Variants in NOL10 observed in about 807,000 individuals in gnomAD.
NOL10 encodes the protein H_NH0074G24.1.
Under a neutral mutation model 103.5 loss-of-function variants are expected in NOL10, and 58 were observed. That is an observed-to-expected ratio of 0.56 (90% CI 0.45 to 0.70). The LOEUF is 0.70. Ranked by LOEUF, NOL10 falls within the 30% of genes least tolerant of loss-of-function variation. The pLI, the probability that NOL10 is intolerant of heterozygous loss-of-function variation, is 0.00. For missense variants in NOL10, 763 were observed against 807.3 expected, an observed-to-expected ratio of 0.95 and a Z score of 0.67; for synonymous variants, 287 against 282.5, an observed-to-expected ratio of 1.02 and a Z score of -0.16.
intron 14 of NOL10, among the ~76,000 whole-genome samples, chr2:10,604,983 T>C (rs1371379233): frequency 6.6e-6 from 1 of 152,248 alleles, no homozygotes; most frequent in Non-Finnish European, 1.5e-5. Flanking sequence ...CCAAACTTAT[T>C]TGCCACAAAT....
Position 10,577,645 on chromosome 2 carries a change from C to A in NOL10, c.1938G>T (p.Thr646=). 6.2e-7 allele frequency: 1 copy of A among 1,608,050 alleles called. No homozygotes were observed. The highest frequency in any genetic ancestry group is 8.5e-7 in the Non-Finnish European group (1 of 1,176,210). The change falls in exon 20 of 21, where the codon ACG becomes ACT. Residue 646 remains threonine, a synonymous_variant. Coordinates refer to ENST00000381685, the MANE Select transcript of NOL10 (RefSeq NM_024894.4). ...ATAAAAGACAACTCACCCTCTTTAA[C>A]GTGAATGTCAATTGTTTGCTGCCAA... The part of the protein sequence containing the change: ...TTVGSKQLTF[T]LKRSEQQKKQ...
rs373496171 is a variant in NOL10, at chr2:10,655,203, G to GT, written c.907-657_907-656insA. On this transcript the variant is annotated intron_variant, in intron 11 of 20. Transcript: ENST00000381685. ...GCCTGGGGCGACAGAGTGAGATTCTGCCCAAAAAAAAAAAGAAAGAAAGGA... is the reference window on the plus strand; with the variant it reads ...GCCTGGGGCGACAGAGTGAGATTCTGTCCCAAAAAAAAAAAGAAAGAAAGGA... Among the ~76,000 whole-genome samples, 1,089 of 139,040 alleles carry GT rather than the reference G, an allele frequency of 7.8e-3. 19 individuals are homozygous for GT. The highest frequency in any genetic ancestry group is 0.027 in the African/African-American group (1,002 of 37,284). The allele number at this position is 139,040 out of a possible 152,430, so 91.2% of individuals were successfully genotyped here.
intron 13 of NOL10, among the ~76,000 whole-genome samples, chr2:10,627,471 C>T (rs1487391005): frequency 7.2e-5 from 11 of 151,922 alleles, no homozygotes; most frequent in African/African-American, 2.2e-4. Flanking sequence ...GTCAGGAGAT[C>T]GAGACTATCT....
At chr2:10,651,063 A>C (rs555106945) in intron 12 of NOL10, among the ~76,000 whole-genome samples, 49 of 152,322 alleles carry the variant, frequency 3.2e-4, no homozygotes, top group African/African-American at 1.0e-3. Flanking sequence ...CAGCCATTAA[A>C]GGTGGGGGAA....
chr2:10,596,837 C>T (rs564413052), intron 17 of NOL10, among the ~76,000 whole-genome samples: 1 of 152,294 alleles, frequency 6.6e-6, no homozygotes, highest in Admixed American at 6.5e-5. Context: ...AAAATGATAC[C>T]TATAGGAAAA....
At chr2:10,681,293 A>G (rs1406981044) in intron 3 of NOL10, among the ~76,000 whole-genome samples, 1 of 151,958 alleles carries the variant, frequency 6.6e-6, no homozygotes, top group East Asian at 1.9e-4. Context: ...AAAAAAAAAA[A>G]AGAAGCTATT....
intron 19 of NOL10, among the ~76,000 whole-genome samples, chr2:10,582,962 G>A (rs1490917944): frequency 6.6e-6 from 1 of 152,170 alleles, no homozygotes; most frequent in African/African-American, 2.4e-5. Context: ...AGTCACTTGT[G>A]TCTCTATTGC....
At chr2:10,587,192 C>CATATATATAT in intron 19 of NOL10, among the ~76,000 whole-genome samples, 1 of 26,470 alleles carries the variant, frequency 3.8e-5, no homozygotes, top group African/African-American at 2.2e-4. Context: ...CATATATATA[C>CATATATATAT]ACATATATAT....
rs398043037 is a variant in NOL10 at position 10,579,560 on chromosome 2, C to CTTT, written c.1845-1825_1845-1823dup. Among the ~76,000 whole-genome samples the CTTT allele has an allele frequency of 8.3e-5, 12 of 144,318 alleles. 1 individual carries two copies. Among genetic ancestry groups the CTTT allele is most frequent in the African/African-American group, 2.3e-4 (9 of 39,228 alleles). 94.7% of individuals were successfully genotyped at this position (144,318 alleles called of 152,430 possible). On this transcript the variant is annotated intron_variant, in intron 19 of 20. Coordinates refer to ENST00000381685, the MANE Select transcript of NOL10 (RefSeq NM_024894.4). ...GGAATGAAATGAAGATTTCGGTTAG[C>CTTT]TTTTTTTTTTTTTTTCCGAACAATT...
intron 13 of NOL10, among the ~76,000 whole-genome samples, chr2:10,617,030 C>T (rs2148212150): frequency 6.6e-6 from 1 of 152,298 alleles, no homozygotes; most frequent in African/African-American, 2.4e-5. Context: ...CAATCCCCAC[C>T]CTCAAGGAGC....
At chr2:10,620,463 G>A (rs1677079406) in intron 13 of NOL10, among the ~76,000 whole-genome samples, 1 of 152,154 alleles carries the variant, frequency 6.6e-6, no homozygotes, top group Non-Finnish European at 1.5e-5. Flanking sequence ...ATCTTGGGGA[G>A]GCGGTCATGC....
intron 13 of NOL10, among the ~76,000 whole-genome samples, chr2:10,642,862 A>G (rs1678802876): frequency 6.6e-6 from 1 of 151,914 alleles, no homozygotes; most frequent in Admixed American, 6.6e-5. Flanking sequence ...ACGTGCTCCC[A>G]CCACAGTACC....
At chr2:10,605,263 T>C (rs1337707099) in intron 14 of NOL10, among the ~76,000 whole-genome samples, 2 of 152,204 alleles carry the variant, frequency 1.3e-5, no homozygotes, top group Non-Finnish European at 2.9e-5. Context: ...AAGAACGCAC[T>C]GTGGGAAATA....
chr2:10,573,582 A>T (rs1361527214), intron 20 of NOL10, among the ~76,000 whole-genome samples: 3 of 150,996 alleles, frequency 2.0e-5, no homozygotes, highest in Admixed American at 6.6e-5. Context: ...CCTCTTGTGG[A>T]TATTACCCAC....
chr2:10,635,194 G>C lies in NOL10; in HGVS notation c.1026+9126C>G, dbSNP rs141773177. Among the ~76,000 whole-genome samples the C allele has an allele frequency of 6.7e-3, 1,013 of 152,222 alleles. 15 individuals carry two copies. Among genetic ancestry groups the C allele is most frequent in the African/African-American group, 0.023 (969 of 41,536 alleles). Reference sequence around the variant, plus strand: ...TTATATTTTTAATAATTTTTGGCAGGAAACAGACTTTAGGTTAAGTCTCAT... The same window carrying C: ...TTATATTTTTAATAATTTTTGGCAGCAAACAGACTTTAGGTTAAGTCTCAT... On this transcript the variant is annotated intron_variant, in intron 13 of 20. Coordinates refer to ENST00000381685, the MANE Select transcript of NOL10 (RefSeq NM_024894.4).
chr2:10,650,225 A>G (rs1045772310), intron 12 of NOL10, among the ~76,000 whole-genome samples: 1 of 152,146 alleles, frequency 6.6e-6, no homozygotes, highest in Non-Finnish European at 1.5e-5. Flanking sequence ...TAGTTTCAAG[A>G]TCACAGCTCA....
At chr2:10,638,502 T>TTTTG in intron 13 of NOL10, among the ~76,000 whole-genome samples, 1 of 135,456 alleles carries the variant, frequency 7.4e-6, no homozygotes, top group Non-Finnish European at 1.6e-5. Flanking sequence ...TTTTTTTTTT[T>TTTTG]TTTTTTTGAG....
intron 1 of NOL10, 119 bp from the exon 2 acceptor site, chr2:10,684,731 G>A (rs1042450173): frequency 1.0e-5 from 7 of 681,700 alleles, no homozygotes; most frequent in Admixed American, 8.8e-5. Context: ...ATATAACATA[G>A]GAAGCAAAAA....
In NOL10 at chr2:10,659,133, T is replaced by C. The variant is rs114662677; in HGVS notation, c.756+39A>G. On this transcript the variant is annotated intron_variant, in intron 10 of 20. Transcript: ENST00000381685. ...ATGACACATACACACACCACTGAAA[T>C]ACCAACTTACATGTGGTTTCCAAAT... is the stretch of plus-strand genomic sequence containing the variant. 1,367 of 1,380,942 alleles carry C rather than the reference T, an allele frequency of 9.9e-4. 12 individuals are homozygous for C. The African/African-American group carries it at 0.017, about 17-fold the overall frequency. The allele number at this position is 1,380,942 out of a possible 1,614,324, so 85.5% of individuals were successfully genotyped here.
Sources: allele counts gnomAD v4.1 joint callset (sites outside exome capture counted in the v4.1 genomes callset), GRCh38; gene constraint gnomAD v4.1.1; transcripts MANE v1.5; gene names NCBI Gene and HGNC (gene_info 2026-07-23, HGNC 2026-07-21).